The following TMEFF1 variants were observed in gnomAD, a reference collection of about 807,000 sequenced individuals.
TMEFF1 encodes transmembrane protein with EGF like and two follistatin like domains 1.
TMEFF1 carries 20 observed loss-of-function variants against 47.5 expected under a neutral mutation model. That is an observed-to-expected ratio of 0.42 (90% CI 0.30 to 0.61). The LOEUF is 0.61. TMEFF1 is among the 20% of genes least tolerant of loss of function. The probability of loss-of-function intolerance (pLI) is 0.19; values close to 1 mark genes in which losing one functional copy is unlikely to be tolerated. For synonymous variants in TMEFF1, 162 were observed against 166.3 expected, an observed-to-expected ratio of 0.97 and a Z score of 0.20; for missense variants, 411 against 471.1, an observed-to-expected ratio of 0.87 and a Z score of 1.18.
intron 5 of TMEFF1, among the ~76,000 whole-genome samples, chr9:100,526,117 G>A (rs1456248457): frequency 6.6e-6 from 1 of 152,208 alleles, no homozygotes; most frequent in Non-Finnish European, 1.5e-5. Flanking sequence ...AATTCGAGCT[G>A]TGAGACAAAT....
intron 5 of TMEFF1, among the ~76,000 whole-genome samples, chr9:100,533,177 A>G (rs1838430810): frequency 1.3e-5 from 2 of 151,942 alleles, no homozygotes; most frequent in Non-Finnish European, 1.5e-5. Context: ...AGCATGGCAC[A>G]TGTATACATA....
At chr9:100,483,500 A>AAAAC (rs57384867) in intron 1 of TMEFF1, among the ~76,000 whole-genome samples, 72,381 of 150,412 alleles carry the variant, frequency 0.48, 18,574 homozygotes, top group Non-Finnish European at 0.58. Context: ...AACATCTCAA[A>AAAAC]AAACAAACAA....
chr9:100,498,739 T>G, intron 1 of TMEFF1, 26 bp from the exon 2 acceptor site: 1 of 1,610,792 alleles, frequency 6.2e-7, no homozygotes, highest in Non-Finnish European at 8.5e-7. Flanking sequence ...CAAATATATA[T>G]GTCAAACAAT....
At chr9:100,494,492 C>T (rs1837616052) in intron 1 of TMEFF1, among the ~76,000 whole-genome samples, 1 of 152,104 alleles carries the variant, frequency 6.6e-6, no homozygotes. Context: ...AGGAAATCCA[C>T]AGGCGGTGTG....
intron 7 of TMEFF1, among the ~76,000 whole-genome samples, chr9:100,554,578 A>G (rs2118528539): frequency 6.6e-6 from 1 of 152,118 alleles, no homozygotes; most frequent in African/African-American, 2.4e-5. Context: ...CTCTGGGCAC[A>G]GTGGGCAGGC....
intron 5 of TMEFF1, among the ~76,000 whole-genome samples, chr9:100,538,209 C>T (rs1442754617): frequency 1.2e-4 from 18 of 152,108 alleles, no homozygotes; most frequent in Non-Finnish European, 2.2e-4. Flanking sequence ...CCTGCCACCA[C>T]GCCCGGCTAA....
intron 3 of TMEFF1, among the ~76,000 whole-genome samples, chr9:100,512,171 CCT>C (rs1357730477): frequency 6.6e-6 from 1 of 152,122 alleles, no homozygotes; most frequent in Non-Finnish European, 1.5e-5. Context: ...TTTTGAGTTT[CCT>C]CCCTCGCTGT....
At chr9:100,481,385 T>C (rs1002190968) in intron 1 of TMEFF1, among the ~76,000 whole-genome samples, 2 of 152,178 alleles carry the variant, frequency 1.3e-5, no homozygotes, top group Non-Finnish European at 2.9e-5. Flanking sequence ...TGAATGAACA[T>C]AGAAGCTGAA....
chr9:100,508,075 C>G (rs1837893217), intron 2 of TMEFF1, among the ~76,000 whole-genome samples: 1 of 152,092 alleles, frequency 6.6e-6, no homozygotes, highest in South Asian at 2.1e-4. Context: ...GTGGACAACC[C>G]TGATTGCTAG....
intron 1 of TMEFF1, among the ~76,000 whole-genome samples, chr9:100,483,495 CTCA>C (rs1387686173): frequency 1.1e-5 from 1 of 88,950 alleles, no homozygotes; most frequent in Middle Eastern, 4.4e-3. Flanking sequence ...GAAACAACAT[CTCA>C]AAAAACAAAC....
chr9:100,569,152 C>G (rs1839180187), intron 8 of TMEFF1, among the ~76,000 whole-genome samples: 1 of 152,150 alleles, frequency 6.6e-6, no homozygotes, highest in African/African-American at 2.4e-5. Context: ...AGCTGCCAGA[C>G]CGTTTTCCAA....
At chr9:100,531,534 T>C (rs1004574594) in intron 5 of TMEFF1, among the ~76,000 whole-genome samples, 3 of 150,038 alleles carry the variant, frequency 2.0e-5, no homozygotes, top group Non-Finnish European at 4.5e-5. Flanking sequence ...TTACAAGGGA[T>C]GTGAAGGACC....
intron 5 of TMEFF1, among the ~76,000 whole-genome samples, chr9:100,522,090 A>G (rs1438593815): frequency 6.6e-6 from 1 of 152,206 alleles, no homozygotes; most frequent in Non-Finnish European, 1.5e-5. Flanking sequence ...CTCTTGTGTA[A>G]ACAGAGTAAT....
chr9:100,516,212 TAGAA>T (rs1033939282), intron 4 of TMEFF1, among the ~76,000 whole-genome samples: 9 of 152,280 alleles, frequency 5.9e-5, no homozygotes, highest in East Asian at 1.9e-4. Context: ...TTTATGTAGT[TAGAA>T]AGACAAGTAT....
intron 5 of TMEFF1, among the ~76,000 whole-genome samples, chr9:100,537,190 G>C (rs1838530347): frequency 6.6e-6 from 1 of 152,200 alleles, no homozygotes; most frequent in South Asian, 2.1e-4. Context: ...TATCAGAAAA[G>C]TTAATGCAAT....
At chr9:100,564,732 A>G (rs913372049) in intron 8 of TMEFF1, among the ~76,000 whole-genome samples, 21 of 152,194 alleles carry the variant, frequency 1.4e-4, no homozygotes, top group African/African-American at 5.1e-4. Context: ...CAATGATGAG[A>G]TCAAATCTGA....
chr9:100,535,108 T>C (rs776530514), intron 5 of TMEFF1, among the ~76,000 whole-genome samples: 1 of 152,202 alleles, frequency 6.6e-6, no homozygotes, highest in Non-Finnish European at 1.5e-5. Context: ...CCAGGATTGA[T>C]CCCTACTTTA....
chr9:100,532,223 A>C (rs927335375), intron 5 of TMEFF1, among the ~76,000 whole-genome samples: 1 of 151,962 alleles, frequency 6.6e-6, no homozygotes, highest in African/African-American at 2.4e-5. Context: ...ATGGCAACAA[A>C]AGCCAAAATT....
At chr9:100,560,190 T>A (rs1207970090) in intron 7 of TMEFF1, among the ~76,000 whole-genome samples, 1 of 152,138 alleles carries the variant, frequency 6.6e-6, no homozygotes, top group Non-Finnish European at 1.5e-5. Flanking sequence ...TGATGTTACA[T>A]GATGTGCTAT....
Sources: gnomAD v4.1 joint callset for allele counts (sites outside exome capture counted in the v4.1 genomes callset) on GRCh38, gnomAD v4.1.1 for gene constraint, MANE v1.5 for transcripts, NCBI Gene and HGNC (gene_info 2026-07-23, HGNC 2026-07-21) for gene names.